TMEM260: variants seen among roughly 807,000 people sequenced by gnomAD.
TMEM260 encodes the protein transmembrane protein 260, also known as protein O-mannosyl-transferase TMEM260.
In TMEM260, 82 loss-of-function variants were observed where a neutral mutation model predicts 88.9. The observed-to-expected ratio is 0.92, with a 90% CI of 0.77 to 1.11. The LOEUF (loss-of-function observed/expected upper bound fraction) is 1.11. Among genes scored for constraint, TMEM260 ranks in the 50% least tolerant of loss-of-function variants. TMEM260 has a pLI of 0.00. For missense variants in TMEM260, 902 were observed against 853.4 expected, an observed-to-expected ratio of 1.06 and a Z score of -0.71; for synonymous variants, 314 against 309.3, an observed-to-expected ratio of 1.02 and a Z score of -0.16.
chr14:56,606,533 CT>C (rs1415568100), intron 5 of TMEM260, among the ~76,000 whole-genome samples: 1 of 152,154 alleles, frequency 6.6e-6, no homozygotes, highest in African/African-American at 2.4e-5. Context: ...TGCTTCTTAG[CT>C]TCTTAACAGT....
chr14:56,580,209 C>T (rs546709626), intron 1 of TMEM260, 135 bp downstream of exon 1: 2 of 676,898 alleles, frequency 3.0e-6, no homozygotes, highest in African/African-American at 1.9e-5. Context: ...GTGCACAGCG[C>T]ACTATTGTGT....
At position 56,633,128 on chromosome 14, in the gene TMEM260, A is replaced by AAACTT; in HGVS notation, c.1683_1687dup (p.Thr563AsnfsTer34). 1 of 1,613,552 alleles carries AAACTT rather than the reference A, an allele frequency of 6.2e-7. No homozygotes were observed. Among genetic ancestry groups the AAACTT allele is most frequent in the Non-Finnish European group, 8.5e-7 (1 of 1,179,704 alleles). On this transcript the variant is annotated frameshift_variant, in exon 13 of 16. Coordinates refer to ENST00000261556, the MANE Select transcript of TMEM260 (RefSeq NM_017799.4). LOFTEE classifies it high-confidence loss of function. ...TGTATTCAACCCTGAGGAATGGATTAAACTTACAAAAAGTATCTATAACTG... is the reference window on the plus strand; with the variant it reads ...TGTATTCAACCCTGAGGAATGGATTAAACTTAACTTACAAAAAGTATCTATAACTG...
At chr14:56,582,518 C>G (rs1885202552) in intron 1 of TMEM260, among the ~76,000 whole-genome samples, 1 of 152,214 alleles carries the variant, frequency 6.6e-6, no homozygotes, top group South Asian at 2.1e-4. Flanking sequence ...CATCTGCTGA[C>G]AACTCTGGGC....
chr14:56,638,682 A>C (rs1889320420), intron 15 of TMEM260, among the ~76,000 whole-genome samples: 1 of 152,172 alleles, frequency 6.6e-6, no homozygotes, highest in Admixed American at 6.5e-5. Context: ...TACCACCCCC[A>C]GTGCTAGTTT....
intron 3 of TMEM260, among the ~76,000 whole-genome samples, chr14:56,590,335 A>G (rs1885774488): frequency 6.6e-6 from 1 of 152,228 alleles, no homozygotes. Flanking sequence ...GAATTAGTTC[A>G]AGGAAATGTT....
chr14:56,658,084 C>T, the TMEM260 span, among the ~76,000 whole-genome samples: 56 of 152,128 alleles, frequency 3.7e-4, no homozygotes, highest in Non-Finnish European at 6.9e-4. Context: ...TCCTTAAAGC[C>T]ACCACGCAAA....
intron 7 of TMEM260, among the ~76,000 whole-genome samples, chr14:56,614,646 C>T (rs910315665): frequency 6.6e-6 from 1 of 152,116 alleles, no homozygotes; most frequent in African/African-American, 2.4e-5. Context: ...CCTTAAAGGC[C>T]TCCTTTACAT....
At position 56,641,751 on chromosome 14, in the gene TMEM260, G is replaced by A. The variant is rs541158497; in HGVS notation, c.1869+5153G>A. 1.1e-4 allele frequency among the ~76,000 whole-genome samples: 16 copies of A among 152,306 alleles called. No individual in the cohort carries two copies. The South Asian group carries it at 3.3e-3, about 32-fold the overall frequency. On this transcript the variant is annotated intron_variant, in intron 15 of 15. Transcript: ENST00000261556. Reference sequence around the variant, plus strand: ...GGATAAAGAGTCAAGACCCATCAGTGTGCTGTATTCAGGAAACCCATCTCA... The same window carrying A: ...GGATAAAGAGTCAAGACCCATCAGTATGCTGTATTCAGGAAACCCATCTCA...
chr14:56,639,051 A>C (rs1034803206), intron 15 of TMEM260, among the ~76,000 whole-genome samples: 1 of 152,226 alleles, frequency 6.6e-6, no homozygotes, highest in African/African-American at 2.4e-5. Context: ...CTGCTGCCTG[A>C]AGACTAGTAG....
the TMEM260 span, among the ~76,000 whole-genome samples, chr14:56,660,080 CAG>C: frequency 2.0e-5 from 3 of 152,276 alleles, no homozygotes; most frequent in Non-Finnish European, 2.9e-5. Context: ...AAAGCAGATG[CAG>C]AGTGATGATG....
intron 14 of TMEM260, 46 bp from the exon 15 acceptor site, chr14:56,636,462 C>CAATTGACTGTATGATTT (rs758421524): frequency 6.7e-5 from 98 of 1,471,426 alleles, no homozygotes; most frequent in Non-Finnish European, 8.8e-5. Flanking sequence ...CCTGAATGTG[C>CAATTGACTGTATGATTT]AATTGACTGT....
At position 56,579,861 on chromosome 14, in the gene TMEM260, T is replaced by C. The variant is rs907597525; in HGVS notation, c.-54T>C. ...CGTCTCTCGGCTGGGGAGCTCCGTG[T>C]CGCACCGGGTTCTTGGGCTGGCCGT... On this transcript the variant is annotated 5_prime_UTR_variant, in exon 1 of 16. Transcript: ENST00000261556. 8.1e-7 allele frequency: 1 copy of C among 1,228,668 alleles called. No homozygotes were observed. The highest frequency in any genetic ancestry group is 1.6e-5 in the African/African-American group (1 of 64,262). 76.1% of individuals were successfully genotyped at this position (1,228,668 alleles called of 1,614,324 possible).
the TMEM260 span, among the ~76,000 whole-genome samples, chr14:56,657,438 C>T: frequency 7.3e-5 from 11 of 150,934 alleles, no homozygotes; most frequent in African/African-American, 2.0e-4. Context: ...CCACCATGCC[C>T]ATCCCATTCA....
chr14:56,619,795 C>T (rs1887802104), intron 10 of TMEM260, among the ~76,000 whole-genome samples: 1 of 152,078 alleles, frequency 6.6e-6, no homozygotes, highest in Non-Finnish European at 1.5e-5. Flanking sequence ...GGGTATATAC[C>T]TAAAGGAATA....
intron 1 of TMEM260, among the ~76,000 whole-genome samples, chr14:56,581,472 T>C (rs1335644214): frequency 6.6e-6 from 1 of 152,256 alleles, no homozygotes. Context: ...GAAGTAACTT[T>C]ATAGTTGTGA....
chr14:56,621,571 G>A lies in TMEM260; in HGVS notation c.1267G>A (p.Ala423Thr), dbSNP rs374399810. 1.4e-5 allele frequency: 22 copies of A among 1,608,600 alleles called. No homozygotes were observed. The highest frequency in any genetic ancestry group is 8.9e-5 in the South Asian group (8 of 89,412). The change falls in exon 11 of 16, where the codon GCA becomes ACA. Residue 423 changes from alanine (A) to threonine (T), a missense_variant. By Grantham distance (58) the Ala-to-Thr change is moderately conservative. Coordinates refer to ENST00000261556, the MANE Select transcript of TMEM260 (RefSeq NM_017799.4). ...GACCAACTATGTGATTGATAAGTTC[G>A]CAAAGAACCTTCTCACCTCTATGCC... ...QRTNYVIDKF[A>T]KNLLTSMPHD...
At chr14:56,643,495 T>A (rs1214030853) in intron 15 of TMEM260, among the ~76,000 whole-genome samples, 1 of 152,194 alleles carries the variant, frequency 6.6e-6, no homozygotes, top group African/African-American at 2.4e-5. Context: ...AATTAGGTAT[T>A]GATGGGACGT....
chr14:56,615,710 C>T (rs1887551816), intron 7 of TMEM260: 3 of 471,162 alleles, frequency 6.4e-6, no homozygotes, highest in Admixed American at 3.5e-5. Flanking sequence ...TGTTCTGATC[C>T]TATTCCAAAT....
At chr14:56,605,118 T>C (rs975554859) in intron 4 of TMEM260, among the ~76,000 whole-genome samples, 1 of 152,140 alleles carries the variant, frequency 6.6e-6, no homozygotes, top group African/African-American at 2.4e-5. Flanking sequence ...CGAGAGAATC[T>C]TTGCCAGTTA....
Sources: allele counts gnomAD v4.1 joint callset (sites outside exome capture counted in the v4.1 genomes callset), GRCh38; gene constraint gnomAD v4.1.1; transcripts MANE v1.5; gene names NCBI Gene and HGNC (gene_info 2026-07-23, HGNC 2026-07-21).